APC: variants seen among roughly 807,000 people sequenced by gnomAD.
The protein encoded by APC is adenomatous polyposis coli protein.
A neutral mutation model predicts 247.0 loss-of-function variants in APC; 72 were observed. The observed-to-expected ratio is 0.29, with a 90% confidence interval of 0.24 to 0.35. The LOEUF (loss-of-function observed/expected upper bound fraction) is 0.35, where lower values mean the gene tolerates loss of function less well. Among genes scored for constraint, APC ranks in the 10% least tolerant of loss-of-function variants. The pLI is 1.00. For missense variants in APC, 3,400 were observed against 3,360.7 expected (o/e 1.01, Z -0.29); for synonymous variants, 1,254 against 1,162.5 (o/e 1.08, Z -1.60).
intron 1 of APC, 36 bp downstream of exon 1, chr5:112,737,961 G>T (rs1383761328): frequency 3.1e-6 from 3 of 981,494 alleles, no homozygotes; most frequent in Non-Finnish European, 3.6e-6. Flanking sequence ...GGCTTGCTGC[G>T]GGGGGAGGGG....
chr5:112,828,797 CA>C, intron 13 of APC, 58 bp from the exon 14 acceptor site: 1 of 1,303,458 alleles, frequency 7.7e-7, no homozygotes, highest in Non-Finnish European at 1.1e-6. Flanking sequence ...GCATTAAAAA[CA>C]AAAAAGCAAC....
chr5:112,786,331 A>G (rs1467720993), intron 6 of APC, among the ~76,000 whole-genome samples: 1 of 152,212 alleles, frequency 6.6e-6, no homozygotes, highest in East Asian at 1.9e-4. Context: ...TAAAACACAG[A>G]TGACTAGTAA....
At chr5:112,832,020 A>G (rs1204239489) in intron 14 of APC, among the ~76,000 whole-genome samples, 1 of 152,180 alleles carries the variant, frequency 6.6e-6, no homozygotes, top group Non-Finnish European at 1.5e-5. Context: ...CCTTGATCAT[A>G]GAATCTAGAT....
chr5:112,739,382 G>A (rs1043645162), intron 1 of APC, among the ~76,000 whole-genome samples: 5 of 152,072 alleles, frequency 3.3e-5, no homozygotes, highest in African/African-American at 1.2e-4. Flanking sequence ...CTTAAATAAT[G>A]TTTATGTAAT....
At chr5:112,756,990 A>G (rs1271271353) in intron 2 of APC, among the ~76,000 whole-genome samples, 1 of 152,200 alleles carries the variant, frequency 6.6e-6, no homozygotes, top group East Asian at 1.9e-4. Flanking sequence ...TGGTGCTCAG[A>G]AAGCTCAAGA....
chr5:112,845,081 C>T lies in APC; in HGVS notation c.*955C>T. 1 of 232,256 alleles carries T rather than the reference C, an allele frequency of 4.3e-6. No homozygotes were observed. Among genetic ancestry groups the T allele is most frequent in the Non-Finnish European group, 8.5e-6 (1 of 117,184 alleles). 14.4% of individuals were successfully genotyped at this position (232,256 alleles called of 1,614,324 possible). ...AAAAGCTTATATAAATTTTTTTCTT[C>T]AGCTTCTATGCATTAAGAGTAAAAT... On this transcript the variant is annotated 3_prime_UTR_variant, in exon 16 of 16. Coordinates refer to ENST00000257430, the MANE Select transcript of APC (RefSeq NM_000038.6).
chr5:112,740,524 CTTTTTTTT>C lies in APC; in HGVS notation c.-19+2611_-19+2618del, dbSNP rs11286305. On this transcript the variant is annotated intron_variant, in intron 1 of 15. Coordinates refer to ENST00000257430, the MANE Select transcript of APC (RefSeq NM_000038.6). The stretch of plus-strand genomic sequence containing the variant: ...GTTTTTGTTTTTTGTGTTTTTTTTT[CTTTTTTTT>C]TTTTTTTTTTTGAGACAGGGTCTCA... 6.5e-3 allele frequency among the ~76,000 whole-genome samples: 642 copies of C among 99,156 alleles called. 3 individuals carry two copies. Among genetic ancestry groups the C allele is most frequent in the Middle Eastern group, 0.018 (3 of 164 alleles). 65.1% of individuals were successfully genotyped at this position (99,156 alleles called of 152,430 possible).
chr5:112,750,218 C>G (rs544646745), intron 1 of APC, among the ~76,000 whole-genome samples: 44 of 152,218 alleles, frequency 2.9e-4, no homozygotes, highest in Non-Finnish European at 4.1e-4. Context: ...CCGCTTCAGC[C>G]TCCCAAAGTG....
At chr5:112,761,745 A>C (rs545957249) in intron 2 of APC, among the ~76,000 whole-genome samples, 17 of 152,246 alleles carry the variant, frequency 1.1e-4, no homozygotes, top group Non-Finnish European at 2.5e-4. Flanking sequence ...GATAGACCTC[A>C]TTAAAACTAA....
intron 2 of APC, 69 bp downstream of exon 2, chr5:112,755,094 G>GGT (rs1754811693): frequency 6.2e-7 from 1 of 1,600,244 alleles, no homozygotes; most frequent in Non-Finnish European, 8.5e-7. Flanking sequence ...GTAAACTTGA[G>GGT]GTAAGACACT....
In APC at chr5:112,838,146, G is replaced by A. The variant is rs1554084260; in HGVS notation, c.2552G>A (p.Ser851Asn). 2 of 1,614,188 alleles carry A rather than the reference G, an allele frequency of 1.2e-6. No homozygotes were observed. The highest frequency in any genetic ancestry group is 1.7e-6 in the Non-Finnish European group (2 of 1,180,040). ...AGTTCTCGTTCTGAAAAAGATAGAA[G>A]TTTGGAGAGAGAACGCGGAATTGGT... ...LDSSRSEKDR[S>N]LERERGIGLG... Residue 851 changes from serine to asparagine, a missense_variant, in exon 16 of 16, where the codon AGT (serine) becomes AAT (asparagine). Physicochemically the swap from Ser to Asn is conservative, Grantham distance 46. Transcript: ENST00000257430.
chr5:112,820,653 G>C (rs979103103), intron 10 of APC, among the ~76,000 whole-genome samples: 2 of 152,120 alleles, frequency 1.3e-5, no homozygotes, highest in African/African-American at 4.8e-5. Context: ...CCTGATATTT[G>C]TTCTCAAAAA....
chr5:112,784,901 G>C (rs1296443622), intron 6 of APC, among the ~76,000 whole-genome samples: 1 of 152,116 alleles, frequency 6.6e-6, no homozygotes, highest in Non-Finnish European at 1.5e-5. Flanking sequence ...GCTGACGCAA[G>C]AGGATCACAA....
At chr5:112,827,440 C>T (rs947021311) in intron 12 of APC, among the ~76,000 whole-genome samples, 193 bp downstream of exon 12, 3 of 152,200 alleles carry the variant, frequency 2.0e-5, no homozygotes, top group Non-Finnish European at 4.4e-5. Flanking sequence ...AAAGGTACAT[C>T]TACAGATGGA....
chr5:112,839,928 C>G lies in APC; in HGVS notation c.4334C>G (p.Thr1445Arg), dbSNP rs760686348. 6.2e-7 allele frequency: 1 copy of G among 1,614,118 alleles called. No individual in the cohort carries two copies. Among genetic ancestry groups the G allele is most frequent in the East Asian group, 2.2e-5 (1 of 44,872 alleles). The change falls in exon 16 of 16, where the codon ACA becomes AGA. Residue 1445 changes from threonine (T) to arginine (R), a missense_variant. By Grantham distance (71) the Thr-to-Arg change is moderately conservative (BLOSUM62 -1). Transcript: ENST00000257430. The surrounding 1 kb of genome is among the most constrained non-coding windows in gnomAD (Gnocchi z 5.0). ...RSKTPPPPPQTAQTKREVPKN... is the reference protein window; with the variant it reads ...RSKTPPPPPQRAQTKREVPKN... ...AAAACACCTCCACCACCTCCTCAAA[C>G]AGCTCAAACCAAGCGAGAAGTACCT...
At chr5:112,824,307 G>A (rs1430701459) in intron 11 of APC, among the ~76,000 whole-genome samples, 1 of 152,130 alleles carries the variant, frequency 6.6e-6, no homozygotes, top group African/African-American at 2.4e-5. Flanking sequence ...TATCAATCCA[G>A]TCATGAATTT....
chr5:112,707,966 C>G, intron 1 of APC: 2 of 1,236,822 alleles, frequency 1.6e-6, no homozygotes, highest in African/African-American at 1.5e-5. Flanking sequence ...CCCTACGGTG[C>G]TCGGCCCGAC....
At chr5:112,789,752 A>G (rs575095768) in intron 6 of APC, among the ~76,000 whole-genome samples, 2 of 152,262 alleles carry the variant, frequency 1.3e-5, no homozygotes, top group South Asian at 4.1e-4. Flanking sequence ...GGAAATGATC[A>G]CTCATCTTTG....
intron 1 of APC, among the ~76,000 whole-genome samples, chr5:112,746,752 A>C (rs1337610730): frequency 6.6e-6 from 1 of 152,244 alleles, no homozygotes; most frequent in Non-Finnish European, 1.5e-5. Flanking sequence ...TTCTTATTAA[A>C]ATCGAGAATA....
Sources: allele counts gnomAD v4.1 joint callset (sites outside exome capture counted in the v4.1 genomes callset), GRCh38; gene constraint gnomAD v4.1.1; non-coding constraint Gnocchi (gnomAD v3.1); transcripts MANE v1.5; gene names NCBI Gene and HGNC (gene_info 2026-07-23, HGNC 2026-07-21).